MUSK: variants seen among roughly 807,000 people sequenced by gnomAD.
The protein encoded by MUSK is muscle associated receptor tyrosine kinase.
In MUSK, 55 loss-of-function variants were observed where a neutral mutation model predicts 88.7. The observed-to-expected ratio is 0.62, with a 90% confidence interval of 0.50 to 0.78. MUSK has a LOEUF of 0.78. Ranked by LOEUF, MUSK falls within the 30% of genes least tolerant of loss-of-function variation. The probability of loss-of-function intolerance (pLI) is 0.00; values close to 1 mark genes in which losing one functional copy is unlikely to be tolerated. For missense variants in MUSK, 1,015 were observed against 1,074.3 expected, an observed-to-expected ratio of 0.94 and a Z score of 0.77; for synonymous variants, 387 against 391.9, an observed-to-expected ratio of 0.99 and a Z score of 0.15.
chr9:110,730,210 G>GGT (rs1554745583), intron 5 of MUSK, among the ~76,000 whole-genome samples: 1 of 151,276 alleles, frequency 6.6e-6, no homozygotes, highest in African/African-American at 2.4e-5. Context: ...ATATTACCTT[G>GGT]GTCTATTTTC....
intron 14 of MUSK, among the ~76,000 whole-genome samples, chr9:110,797,457 A>C (rs1251278894): frequency 2.6e-5 from 4 of 152,120 alleles, no homozygotes; most frequent in Non-Finnish European, 4.4e-5. Context: ...GGGGTATGAC[A>C]ATGTGAGTGA....
intron 1 of MUSK, among the ~76,000 whole-genome samples, chr9:110,671,554 A>T (rs2075956853): frequency 6.6e-6 from 1 of 152,152 alleles, no homozygotes; most frequent in Admixed American, 6.6e-5. Flanking sequence ...TTGTAGAATT[A>T]ATTGTTCATA....
chr9:110,689,355 T>C (rs1359593323), intron 3 of MUSK, among the ~76,000 whole-genome samples: 1 of 117,364 alleles, frequency 8.5e-6, no homozygotes, highest in African/African-American at 3.5e-5. Context: ...TATAAATATA[T>C]ATAAATACAT....
chr9:110,755,870 CTAATAA>C (rs1187913472), intron 7 of MUSK, among the ~76,000 whole-genome samples: 3 of 148,024 alleles, frequency 2.0e-5, no homozygotes, highest in Non-Finnish European at 4.4e-5. Context: ...GCTTCTCTGA[CTAATAA>C]TAATAATGTT....
chr9:110,800,595 G>A lies in MUSK; in HGVS notation c.2217G>A (p.Val739=), dbSNP rs1358119507. The A allele has an allele frequency of 5.7e-6, 9 of 1,567,196 alleles. No individual in the cohort carries two copies. Among genetic ancestry groups the A allele is most frequent in the African/African-American group, 2.7e-5 (2 of 73,080 alleles). Reference sequence around the variant, plus strand: ...GCCTGGTGGGCGAGAACATGGTGGTGAAAATTGCCGACTTTGGCCTCTCCA... The same window carrying A: ...GCCTGGTGGGCGAGAACATGGTGGTAAAAATTGCCGACTTTGGCCTCTCCA... ...RNCLVGENMV[V]KIADFGLSRN... is the part of the protein sequence containing the mutation. The change falls in exon 15 of 15, where the codon GTG becomes GTA. Residue 739 remains valine (V), a synonymous_variant. Transcript: ENST00000374448.
chr9:110,752,324 T>A (rs2077258701), intron 7 of MUSK, among the ~76,000 whole-genome samples: 1 of 152,186 alleles, frequency 6.6e-6, no homozygotes, highest in East Asian at 1.9e-4. Context: ...GCTACTTCGA[T>A]GAAAAAGGGA....
intron 11 of MUSK, among the ~76,000 whole-genome samples, chr9:110,781,629 G>A (rs1369824597): frequency 6.6e-6 from 1 of 152,098 alleles, no homozygotes; most frequent in Admixed American, 6.5e-5. Context: ...CACAGACTGG[G>A]TGGCTTATAC....
At chr9:110,705,359 A>C (rs1325586717) in intron 5 of MUSK, among the ~76,000 whole-genome samples, 1 of 152,210 alleles carries the variant, frequency 6.6e-6, no homozygotes, top group Non-Finnish European at 1.5e-5. Flanking sequence ...GACATAGAAC[A>C]TGCCATTTCT....
chr9:110,694,405 AAC>A (rs1190467166), intron 3 of MUSK, among the ~76,000 whole-genome samples: 1,711 of 115,598 alleles, frequency 0.015, 91 homozygotes, highest in African/African-American at 0.03. Flanking sequence ...AAAAAAAAAA[AAC>A]AAAAAAACAA....
intron 3 of MUSK, among the ~76,000 whole-genome samples, chr9:110,690,281 T>C (rs368165444): frequency 4.1e-5 from 4 of 98,428 alleles, no homozygotes; most frequent in African/African-American, 1.7e-4. Context: ...TACAAATATA[T>C]AAATATATAT....
In MUSK at chr9:110,687,404, G is replaced by A. The variant is rs543452509; in HGVS notation, c.358+136G>A. On this transcript the variant is annotated intron_variant, in intron 3 of 14. Transcript: ENST00000374448. ...GGCTGGAGTGCAGTGGCATGATCTC[G>A]GTTCACTGCAACCTCCACCTCCTGG... 37 of 968,240 alleles carry A rather than the reference G, an allele frequency of 3.8e-5. 1 individual carries two copies. In the South Asian group the frequency reaches 5.5e-4, roughly 14 times the overall value. 60.0% of individuals were successfully genotyped at this position (968,240 alleles called of 1,614,324 possible).
At chr9:110,764,903 TTTTTTC>T (rs1247527061) in intron 8 of MUSK, among the ~76,000 whole-genome samples, 1 of 152,188 alleles carries the variant, frequency 6.6e-6, no homozygotes, top group East Asian at 1.9e-4. Context: ...CCTATTGTCT[TTTTTTC>T]TTTTTCATTT....
At chr9:110,733,217 T>G (rs554394572) in intron 5 of MUSK, among the ~76,000 whole-genome samples, 1 of 152,260 alleles carries the variant, frequency 6.6e-6, no homozygotes, top group Admixed American at 6.5e-5. Context: ...GATTCCGTAA[T>G]AGTTTAAACA....
chr9:110,694,758 TC>T (rs1482887376), intron 3 of MUSK, among the ~76,000 whole-genome samples: 1 of 152,206 alleles, frequency 6.6e-6, no homozygotes, highest in Non-Finnish European at 1.5e-5. Context: ...TTTGAAAGTT[TC>T]ATATTTGAGA....
At chr9:110,738,763 ACC>A (rs1209188829) in intron 6 of MUSK, among the ~76,000 whole-genome samples, 5 of 152,130 alleles carry the variant, frequency 3.3e-5, no homozygotes, top group African/African-American at 1.2e-4. Context: ...TTGGCTTTAT[ACC>A]TTCTGTGCCT....
chr9:110,776,037 T>A (rs1034069780), intron 10 of MUSK, 74 bp downstream of exon 10: 38 of 1,463,584 alleles, frequency 2.6e-5, no homozygotes, highest in South Asian at 1.7e-4. Context: ...GGTGTGAACT[T>A]AAAGCTTCTA....
intron 5 of MUSK, among the ~76,000 whole-genome samples, chr9:110,730,976 A>G (rs927580419): frequency 1.3e-5 from 2 of 152,028 alleles, no homozygotes; most frequent in African/African-American, 2.4e-5. Context: ...CATCAACCCT[A>G]TATCCTTCTT....
At chr9:110,689,171 A>G (rs1442180973) in intron 3 of MUSK, among the ~76,000 whole-genome samples, 1 of 80,336 alleles carries the variant, frequency 1.2e-5, no homozygotes, top group African/African-American at 6.8e-5. Context: ...TAAATAAACT[A>G]TATATTTATA....
chr9:110,746,634 T>C (rs952054121), intron 6 of MUSK, among the ~76,000 whole-genome samples: 2 of 152,216 alleles, frequency 1.3e-5, no homozygotes, highest in Admixed American at 6.5e-5. Context: ...TGCATTGATA[T>C]CTTGGCTCTT....
Sources: allele counts gnomAD v4.1 joint callset (sites outside exome capture counted in the v4.1 genomes callset), GRCh38; gene constraint gnomAD v4.1.1; transcripts MANE v1.5; gene names NCBI Gene and HGNC (gene_info 2026-07-23, HGNC 2026-07-21).